VWA5B1: variants seen among roughly 807,000 people sequenced by gnomAD.
The protein encoded by VWA5B1 is von Willebrand factor A domain containing 5B1.
VWA5B1 carries 115 observed loss-of-function variants against 118.2 expected under a neutral mutation model. The ratio of observed to expected loss-of-function variants is 0.97; its 90% confidence interval spans 0.84 to 1.14. The LOEUF (loss-of-function observed/expected upper bound fraction) is 1.14, where lower values mean the gene tolerates loss of function less well. Ranked by LOEUF, VWA5B1 falls within the 50% of genes most tolerant of loss-of-function variation. The pLI, the probability that VWA5B1 is intolerant of heterozygous loss-of-function variation, is 0.00. For missense variants in VWA5B1, 1,596 were observed against 1,603.8 expected (o/e 1.00, Z 0.08); for synonymous variants, 682 against 658.4 (o/e 1.04, Z -0.55).
chr1:20,315,791 G>A (rs571357945), intron 4 of VWA5B1, among the ~76,000 whole-genome samples: 66 of 152,228 alleles, frequency 4.3e-4, no homozygotes, highest in Non-Finnish European at 7.5e-4. Context: ...AACGTGCAGG[G>A]CCTTGAAGGA....
At position 20,354,140 on chromosome 1, in the gene VWA5B1, A is replaced by G; in HGVS notation, c.3525A>G (p.Glu1175=). 6.4e-7 allele frequency: 1 copy of G among 1,551,374 alleles called. No individual in the cohort carries two copies. Among genetic ancestry groups the G allele is most frequent in the Non-Finnish European group, 8.7e-7 (1 of 1,146,996 alleles). The change falls in exon 22 of 22, where the codon GAA becomes GAG. Residue 1175 remains glutamate, a synonymous_variant. Transcript: ENST00000289815. The part of the protein sequence containing the change: ...AKANSWLEQQ[E]VPEGRTQGTL... ...CCAACTCATGGCTGGAGCAGCAGGA[A>G]GTACCCGAGGGCCGCACGCAGGGCA...
rs191176445 is a variant in VWA5B1 at position 20,348,257 on chromosome 1, G to A, written c.2777G>A (p.Arg926His). 5.5e-5 allele frequency: 85 copies of A among 1,551,660 alleles called. No homozygotes were observed. In the African/African-American group the frequency reaches 7.7e-4, roughly 14 times the overall value. The change falls in exon 18 of 22, where the codon CGT (arginine) becomes CAT (histidine). Residue 926 changes from arginine to histidine, a missense_variant. By Grantham distance (29) the Arg-to-His change is conservative (BLOSUM62 0). Transcript: ENST00000289815. ...GTCTTCCGCGAAGGAGCTGCCCTGC[G>A]TATGCTTGGCTCTCGGGCCCTGGCC... ...VEYPNSGAAL[R>H]MLGSRALAQQ...
At chr1:20,322,410 G>T (rs538044933) in intron 7 of VWA5B1, among the ~76,000 whole-genome samples, 1 of 152,138 alleles carries the variant, frequency 6.6e-6, no homozygotes, top group African/African-American at 2.4e-5. Context: ...TGAAGGGGAG[G>T]GGGAGAAGCA....
intron 7 of VWA5B1, among the ~76,000 whole-genome samples, chr1:20,320,610 G>A (rs1025200775): frequency 1.3e-5 from 2 of 152,274 alleles, no homozygotes; most frequent in Non-Finnish European, 2.9e-5. Flanking sequence ...TAATTGGCTC[G>A]GGGATGGCGG....
At position 20,353,863 on chromosome 1, in the gene VWA5B1, A is replaced by G. The variant is rs992129006; in HGVS notation, c.3248A>G (p.His1083Arg). The G allele has an allele frequency of 2.2e-5, 34 of 1,542,242 alleles. No individual in the cohort carries two copies. The highest frequency in any genetic ancestry group is 4.0e-5 in the Admixed American group (2 of 50,296). Residue 1083 changes from histidine (H) to arginine (R), a missense_variant, in exon 22 of 22, where the codon CAT becomes CGT. By Grantham distance (29) the His-to-Arg change is conservative. Coordinates refer to ENST00000289815, the MANE Select transcript of VWA5B1 (RefSeq NM_001039500.3). The stretch of plus-strand genomic sequence containing the variant: ...AAGTGGACGTCCCCCTTCACCTGCC[A>G]TCGAGTGTCCCTCACCACCCGCCCG... ...KLKWTSPFTC[H>R]RVSLTTRPSE...
intron 12 of VWA5B1, 70 bp from the exon 13 acceptor site, chr1:20,336,231 CCT>C: frequency 7.9e-7 from 1 of 1,264,240 alleles, no homozygotes; most frequent in Non-Finnish European, 1.0e-6. Flanking sequence ...TGCTCACACC[CCT>C]TGCTCCCTGC....
At position 20,330,958 on chromosome 1, in the gene VWA5B1, T is replaced by G. The variant is rs1161163756; in HGVS notation, c.1547T>G (p.Met516Arg). The G allele has an allele frequency of 1.3e-6, 2 of 1,550,606 alleles. No homozygotes were observed. Among genetic ancestry groups the G allele is most frequent in the African/African-American group, 2.7e-5 (2 of 73,024 alleles). ...TCCGAGGGCAGTGCTGAGCTCCTGATGGAGGGGGAGCGGCTGCAACCCAAG... is the reference window on the plus strand; with the variant it reads ...TCCGAGGGCAGTGCTGAGCTCCTGAGGGAGGGGGAGCGGCTGCAACCCAAG... ...SVSEGSAELL[M>R]EGERLQPKMV... The change falls in exon 11 of 22, where the codon ATG becomes AGG. Residue 516 changes from methionine (M) to arginine (R), a missense_variant. Met to Arg is a moderately conservative substitution (Grantham distance 91). Transcript: ENST00000289815.
In VWA5B1 at chr1:20,336,369, C is replaced by T. The variant is rs2089716174; in HGVS notation, c.1825C>T (p.Gln609Ter). ...TGGCAGCTCTGTCTTCTACCACTCT[C>T]AGGATGACGGACCCGGGCTGGAAGG... is the stretch of plus-strand genomic sequence containing the variant. ...ESGSSVFYHS[Q>*]DDGPGLEGGD... Residue 609 changes from glutamine to a stop codon, truncating the protein, a stop_gained, in exon 13 of 22, where the codon CAG becomes TAG. Coordinates refer to ENST00000289815, the MANE Select transcript of VWA5B1 (RefSeq NM_001039500.3). LOFTEE classifies it high-confidence loss of function. The T allele has an allele frequency of 6.5e-7, 1 of 1,528,744 alleles. No individual in the cohort carries two copies. The highest frequency in any genetic ancestry group is 2.5e-5 in the East Asian group (1 of 39,932). 94.7% of individuals were successfully genotyped at this position (1,528,744 alleles called of 1,614,324 possible).
rs147668710 is a variant in VWA5B1, at chr1:20,357,380, G to T, written c.*3117G>T. On this transcript the variant is annotated 3_prime_UTR_variant, in exon 22 of 22. Transcript: ENST00000289815. ...TATGAGAAACTGTGCTATGGGCAAA[G>T]ATGTTGAGGAAGCAGTAGAAAGACA... Among the ~76,000 whole-genome samples the T allele has an allele frequency of 1.2e-4, 19 of 152,338 alleles. No homozygotes were observed. The East Asian group carries it at 3.3e-3, about 26-fold the overall frequency.
At chr1:20,301,090 A>G (rs2088493499) in intron 1 of VWA5B1, among the ~76,000 whole-genome samples, 1 of 152,218 alleles carries the variant, frequency 6.6e-6, no homozygotes, top group Admixed American at 6.5e-5. Context: ...GACCTCAGAG[A>G]GAAGGGAAGG....
chr1:20,325,757 C>T lies in VWA5B1; in HGVS notation c.1144-2133C>T, dbSNP rs1038168688. 2.0e-5 allele frequency among the ~76,000 whole-genome samples: 3 copies of T among 152,192 alleles called. No individual in the cohort carries two copies. The South Asian group carries it at 6.2e-4, about 31-fold the overall frequency. On this transcript the variant is annotated intron_variant, in intron 8 of 21. Coordinates refer to ENST00000289815, the MANE Select transcript of VWA5B1 (RefSeq NM_001039500.3). Reference sequence around the variant, plus strand: ...ACAAATGGCTTTGCATTGGTGCCATCCATTCTGCTAAACATGACCCTTTTA... The same window carrying T: ...ACAAATGGCTTTGCATTGGTGCCATTCATTCTGCTAAACATGACCCTTTTA...
rs61743925 is a variant in VWA5B1 at position 20,354,224 on chromosome 1, C to G, written c.3609C>G (p.Leu1203=). The change falls in exon 22 of 22, where the codon CTC becomes CTG. Residue 1203 remains leucine (L), a synonymous_variant. Transcript: ENST00000289815. ...FVLLRHWDEN[L]EFNMLCYNPN... is the part of the protein sequence containing the mutation. Reference sequence around the variant, plus strand: ...TTCTGCGGCACTGGGATGAGAATCTCGAGTTCAATATGCTCTGCTATAACC... The same window carrying G: ...TTCTGCGGCACTGGGATGAGAATCTGGAGTTCAATATGCTCTGCTATAACC... 6.5e-7 allele frequency: 1 copy of G among 1,548,572 alleles called. No individual in the cohort carries two copies. Among genetic ancestry groups the G allele is most frequent in the Non-Finnish European group, 8.7e-7 (1 of 1,145,818 alleles).
chr1:20,345,576 T>C lies in VWA5B1; in HGVS notation c.2747T>C (p.Val916Ala), dbSNP rs543383427. 18 of 1,549,844 alleles carry C rather than the reference T, an allele frequency of 1.2e-5. No homozygotes were observed. The highest frequency in any genetic ancestry group is 1.1e-5 in the Non-Finnish European group (13 of 1,146,360). ...AAGAGCCGGTACCTGCCCACCGTGGTGGAGTACCCCAACTCTGGTAAGGCA... is the reference window on the plus strand; with the variant it reads ...AAGAGCCGGTACCTGCCCACCGTGGCGGAGTACCCCAACTCTGGTAAGGCA... ...VSKSRYLPTV[V>A]EYPNSGAALR... The change falls in exon 17 of 22, where the codon GTG (valine) becomes GCG (alanine). Residue 916 changes from valine (V) to alanine (A), a missense_variant. Physicochemically the swap from Val to Ala is moderately conservative, Grantham distance 64 (BLOSUM62 0). Transcript: ENST00000289815.
At chr1:20,333,820 C>A (rs995866479) in intron 12 of VWA5B1, among the ~76,000 whole-genome samples, 1 of 152,178 alleles carries the variant, frequency 6.6e-6, no homozygotes, top group Non-Finnish European at 1.5e-5. Context: ...TTTCCTCTTT[C>A]GTGAGTCTGT....
intron 14 of VWA5B1, 185 bp downstream of exon 14, chr1:20,338,021 C>T (rs142657666): frequency 1.3e-6 from 1 of 765,936 alleles, no homozygotes; most frequent in South Asian, 1.5e-5. Context: ...ATCAGGACAC[C>T]CACCGGTCAA....
intron 4 of VWA5B1, among the ~76,000 whole-genome samples, chr1:20,316,924 G>A (rs528073266): frequency 4.6e-5 from 7 of 152,142 alleles, no homozygotes; most frequent in African/African-American, 1.7e-4. Context: ...AATGGAGGCC[G>A]AGACGGGCGG....
intron 14 of VWA5B1, among the ~76,000 whole-genome samples, chr1:20,339,435 G>A (rs570013053): frequency 2.0e-5 from 3 of 152,174 alleles, no homozygotes; most frequent in Non-Finnish European, 4.4e-5. Context: ...CCAGCTACTC[G>A]GGAGGCTGAG....
chr1:20,328,916 T>C (rs2089465021), intron 9 of VWA5B1, among the ~76,000 whole-genome samples: 1 of 152,252 alleles, frequency 6.6e-6, no homozygotes, highest in South Asian at 2.1e-4. Context: ...GCCCTTGTTC[T>C]ATGCATTTAC....
intron 18 of VWA5B1, 124 bp downstream of exon 18, chr1:20,348,482 G>A (rs1194566984): frequency 1.9e-6 from 2 of 1,048,064 alleles, no homozygotes; most frequent in African/African-American, 1.6e-5. Flanking sequence ...GTGGGCTTAG[G>A]CAGGCCCAAG....
Sources: allele counts gnomAD v4.1 joint callset (sites outside exome capture counted in the v4.1 genomes callset), GRCh38; gene constraint gnomAD v4.1.1; transcripts MANE v1.5; gene names NCBI Gene and HGNC (gene_info 2026-07-23, HGNC 2026-07-21).